The following ADGRB3 variants were observed in gnomAD, a reference collection of about 807,000 sequenced individuals.
The protein encoded by ADGRB3 is brain-specific angiogenesis inhibitor 3.
Under a neutral mutation model 193.4 loss-of-function variants are expected in ADGRB3, and 37 were observed. That is an observed-to-expected ratio of 0.19 (90% CI 0.15 to 0.25). The LOEUF (loss-of-function observed/expected upper bound fraction) is 0.25, where lower values mean the gene tolerates loss of function less well. Ranked by LOEUF, ADGRB3 falls within the 10% of genes least tolerant of loss-of-function variation. The pLI, the probability that ADGRB3 is intolerant of heterozygous loss-of-function variation, is 1.00. For missense variants in ADGRB3, 1,637 were observed against 1,852.9 expected, an observed-to-expected ratio of 0.88 and a Z score of 2.14; for synonymous variants, 690 against 644.2, an observed-to-expected ratio of 1.07 and a Z score of -1.08.
At chr6:69,161,543 T>C (rs1207786629) in intron 17 of ADGRB3, among the ~76,000 whole-genome samples, 1 of 152,168 alleles carries the variant, frequency 6.6e-6, no homozygotes, top group East Asian at 1.9e-4. Context: ...GTAATGGATC[T>C]TAACAAGTTC....
chr6:69,027,142 TG>T (rs1188764885), intron 13 of ADGRB3, among the ~76,000 whole-genome samples: 1 of 152,140 alleles, frequency 6.6e-6, no homozygotes, highest in Non-Finnish European at 1.5e-5. Flanking sequence ...ATTGTACAGC[TG>T]TAAAAATATT....
intron 13 of ADGRB3, among the ~76,000 whole-genome samples, chr6:69,031,067 T>TTC (rs1770656288): frequency 3.9e-5 from 2 of 50,694 alleles, no homozygotes; most frequent in African/African-American, 1.2e-4. Context: ...TTCTCTTCTC[T>TTC]TCTCTTCTCT....
intron 20 of ADGRB3, among the ~76,000 whole-genome samples, chr6:69,283,674 T>C (rs1767488050): frequency 1.3e-5 from 2 of 152,084 alleles, no homozygotes; most frequent in Non-Finnish European, 2.9e-5. Flanking sequence ...GCAGCTATGA[T>C]TACAAAGAGT....
chr6:69,082,683 T>G (rs535089844), intron 17 of ADGRB3, among the ~76,000 whole-genome samples: 1 of 152,302 alleles, frequency 6.6e-6, no homozygotes, highest in South Asian at 2.1e-4. Flanking sequence ...TAATCTGTTG[T>G]ATTTCTTTTA....
intron 17 of ADGRB3, among the ~76,000 whole-genome samples, chr6:69,108,058 A>G (rs1030840092): frequency 3.3e-5 from 5 of 152,134 alleles, no homozygotes; most frequent in Non-Finnish European, 7.4e-5. Context: ...GAAAAAAAAA[A>G]AAAAGTCAGC....
intron 3 of ADGRB3, among the ~76,000 whole-genome samples, chr6:68,721,616 A>G (rs1455818168): frequency 2.8e-5 from 3 of 107,752 alleles, no homozygotes; most frequent in Admixed American, 1.2e-4. Flanking sequence ...CCTAGAACTT[A>G]AAGTATAATA....
At chr6:68,777,144 TC>T (rs1343297341) in intron 3 of ADGRB3, among the ~76,000 whole-genome samples, 1 of 152,238 alleles carries the variant, frequency 6.6e-6, no homozygotes, top group East Asian at 1.9e-4. Flanking sequence ...CTTGATGCCT[TC>T]CCCTGTGTGC....
chr6:69,312,473 G>T (rs927875089), intron 20 of ADGRB3, among the ~76,000 whole-genome samples: 14 of 151,632 alleles, frequency 9.2e-5, no homozygotes, highest in African/African-American at 3.4e-4. Flanking sequence ...GGGTTGATTG[G>T]TACTTTTTTA....
At chr6:68,955,395 G>T (rs1368868872) in intron 6 of ADGRB3, among the ~76,000 whole-genome samples, 2 of 152,304 alleles carry the variant, frequency 1.3e-5, no homozygotes, top group East Asian at 3.9e-4. Context: ...GTCTTGCTCA[G>T]TATTTAGTTT....
At chr6:68,910,586 G>A (rs1258419613) in intron 3 of ADGRB3, among the ~76,000 whole-genome samples, 1 of 152,134 alleles carries the variant, frequency 6.6e-6, no homozygotes, top group South Asian at 2.1e-4. Context: ...TTTTGTATAA[G>A]GTGTAAGGAA....
intron 3 of ADGRB3, among the ~76,000 whole-genome samples, chr6:68,773,136 C>T (rs1312307059): frequency 6.6e-6 from 1 of 151,272 alleles, no homozygotes; most frequent in Admixed American, 6.6e-5. Flanking sequence ...CAAACATATT[C>T]TACAAACATT....
intron 3 of ADGRB3, among the ~76,000 whole-genome samples, chr6:68,765,803 T>C (rs945293343): frequency 1.3e-5 from 2 of 152,056 alleles, no homozygotes; most frequent in Non-Finnish European, 2.9e-5. Flanking sequence ...GTGTATAAGA[T>C]GAAGAATATC....
chr6:69,354,128 T>C (rs1561996809), intron 26 of ADGRB3, 105 bp from the exon 27 acceptor site: 2 of 738,516 alleles, frequency 2.7e-6, no homozygotes, highest in Non-Finnish European at 4.8e-6. Context: ...CAGTATAAGA[T>C]AGTAAAATCA....
chr6:68,951,756 T>C (rs895161705), intron 6 of ADGRB3, among the ~76,000 whole-genome samples: 1 of 152,138 alleles, frequency 6.6e-6, no homozygotes, highest in Non-Finnish European at 1.5e-5. Context: ...AGGTTTGCAA[T>C]GACCCTGAGA....
rs1315886226 is a variant in ADGRB3, at chr6:68,772,888, AAAAAAAATATATAT to A, written c.757+133458_757+133471del. ...AAACAAACAAACAAACAAACAAAAA[AAAAAAAATATATAT>A]ATATATATATATATATATATATATA... On this transcript the variant is annotated intron_variant, in intron 3 of 31. Coordinates refer to ENST00000370598, the MANE Select transcript of ADGRB3 (RefSeq NM_001704.3). 4.2e-3 allele frequency among the ~76,000 whole-genome samples: 218 copies of A among 51,910 alleles called. 5 individuals carry two copies. Among genetic ancestry groups the A allele is most frequent in the East Asian group, 0.036 (38 of 1,048 alleles). The allele number at this position is 51,910 out of a possible 152,430, so 34.1% of individuals were successfully genotyped here.
chr6:69,292,733 C>G (rs1767716703), intron 20 of ADGRB3, among the ~76,000 whole-genome samples: 1 of 151,548 alleles, frequency 6.6e-6, no homozygotes, highest in South Asian at 2.1e-4. Flanking sequence ...TTTATTATTA[C>G]CATACTTTAA....
intron 17 of ADGRB3, among the ~76,000 whole-genome samples, chr6:69,134,310 A>G (rs965930698): frequency 3.9e-5 from 6 of 152,008 alleles, no homozygotes; most frequent in Non-Finnish European, 7.4e-5. Context: ...GGTAAATCCT[A>G]TTTTCTCCAG....
At chr6:68,861,762 T>A (rs1291075470) in intron 3 of ADGRB3, among the ~76,000 whole-genome samples, 5 of 152,130 alleles carry the variant, frequency 3.3e-5, no homozygotes, top group Admixed American at 2.6e-4. Flanking sequence ...AATTAAGTAA[T>A]CTTGGAGTCA....
At chr6:69,087,426 T>C (rs914364483) in intron 17 of ADGRB3, among the ~76,000 whole-genome samples, 27 of 152,060 alleles carry the variant, frequency 1.8e-4, no homozygotes. Flanking sequence ...CCCAATGCAG[T>C]GTTATGAGGG....
Sources: allele counts gnomAD v4.1 joint callset (sites outside exome capture counted in the v4.1 genomes callset), GRCh38; gene constraint gnomAD v4.1.1; transcripts MANE v1.5; gene names NCBI Gene and HGNC (gene_info 2026-07-23, HGNC 2026-07-21).